The following CPT1B variants were observed in gnomAD, a reference collection of about 807,000 sequenced individuals.
CPT1B encodes the protein carnitine O-palmitoyltransferase 1, muscle isoform.
CPT1B carries 57 observed loss-of-function variants against 92.7 expected under a neutral mutation model. The ratio of observed to expected loss-of-function variants is 0.62; its 90% CI spans 0.50 to 0.77. The LOEUF is 0.77. CPT1B is among the 30% of genes least tolerant of loss of function. The pLI, the probability that CPT1B is intolerant of heterozygous loss-of-function variation, is 0.00. For missense variants in CPT1B, 983 were observed against 1,017.4 expected, an observed-to-expected ratio of 0.97 and a Z score of 0.46; for synonymous variants, 398 against 383.5, an observed-to-expected ratio of 1.04 and a Z score of -0.44.
chr22:50,572,787 A>T, intron 11 of CPT1B, 88 bp downstream of exon 11: 1 of 1,435,854 alleles, frequency 7.0e-7, no homozygotes, highest in South Asian at 1.3e-5. Context: ...CCCAGCTCAT[A>T]ACCCTACCTT....
chr22:50,571,059 A>T lies in CPT1B; in HGVS notation c.1876-16T>A. On this transcript the variant is annotated splice_polypyrimidine_tract_variant and intron_variant, in intron 15 of 19. Transcript: ENST00000312108. The stretch of plus-strand genomic sequence containing the variant: ...GGTCTGCTTTCTGCGGGGCAGAAGT[A>T]AAGGGGTGAAGAGTAGCCCTGGCCC... The T allele has an allele frequency of 6.2e-7, 1 of 1,613,524 alleles. No individual in the cohort carries two copies. The highest frequency in any genetic ancestry group is 8.5e-7 in the Non-Finnish European group (1 of 1,179,620).
chr22:50,577,289 G>A, intron 3 of CPT1B, 35 bp downstream of exon 3: 1 of 1,610,938 alleles, frequency 6.2e-7, no homozygotes, highest in Non-Finnish European at 8.5e-7. Context: ...AGCCCTCCCT[G>A]GTGGCACCTG....
chr22:50,570,172 G>A, intron 17 of CPT1B, 121 bp downstream of exon 17: 1 of 705,624 alleles, frequency 1.4e-6, no homozygotes, highest in African/African-American at 1.8e-5. Context: ...ATGCAGGTCT[G>A]GGGTTATGCT....
chr22:50,577,164 A>G (rs2070482518), intron 3 of CPT1B, 130 bp from the exon 4 acceptor site: 2 of 1,367,718 alleles, frequency 1.5e-6, no homozygotes, highest in East Asian at 4.7e-5. Flanking sequence ...GCATCAAATG[A>G]GCGGATGTAG....
In CPT1B at chr22:50,571,867, C is replaced by G. The variant is rs1227699089; in HGVS notation, c.1575+139G>C. ...AGCCAGTTTGGACTCTACAGGTATC[C>G]TGAGACGTGCCCTGTGCCTTCCCGA... On this transcript the variant is annotated intron_variant, in intron 13 of 19. Transcript: ENST00000312108. The G allele has an allele frequency of 5.9e-6, 5 of 844,524 alleles. No individual in the cohort carries two copies. In the Admixed American group the frequency reaches 9.7e-5, roughly 16 times the overall value. 52.3% of individuals were successfully genotyped at this position (844,524 alleles called of 1,614,324 possible).
chr22:50,572,451 C>G (rs2070224784), intron 11 of CPT1B, 143 bp from the exon 12 acceptor site: 7 of 631,568 alleles, frequency 1.1e-5, no homozygotes, highest in Non-Finnish European at 1.9e-5. Context: ...GAGATGGAAT[C>G]TTGCTCTGTT....
At position 50,573,845 on chromosome 22, in the gene CPT1B, C is replaced by G. The variant is rs1377862630; in HGVS notation, c.971-130G>C. On this transcript the variant is annotated intron_variant, in intron 9 of 19. Transcript: ENST00000312108. The surrounding 1 kb of genome is among the most constrained non-coding windows in gnomAD (Gnocchi z 5.0). ...GGCCTCTGCCTGGGCCTTCCTGCCC[C>G]CTGGATGGGATCCGTGTGTCCTAAA... 3.7e-6 allele frequency: 3 copies of G among 819,542 alleles called. No individual in the cohort carries two copies. The highest frequency in any genetic ancestry group is 2.7e-5 in the East Asian group (1 of 37,652). 50.8% of individuals were successfully genotyped at this position (819,542 alleles called of 1,614,324 possible). A position where few individuals can be genotyped will look rare whatever the true frequency, so the allele number is the denominator to read the frequency against.
In CPT1B at chr22:50,574,592, C is replaced by A. The variant is rs2070347736; in HGVS notation, c.786G>T (p.Val262=). The change falls in exon 8 of 20, where the codon GTG becomes GTT. Residue 262 remains valine (V), a synonymous_variant. Transcript: ENST00000312108. ...CCTGCACGTCTGTATTCTTGATGAGCACAAGGTCCTACAGAGGAACAGAGC... is the reference window on the plus strand; with the variant it reads ...CCTGCACGTCTGTATTCTTGATGAGAACAAGGTCCTACAGAGGAACAGAGC... ...VNSNYYVMDL[V]LIKNTDVQAA... The A allele has an allele frequency of 1.9e-6, 3 of 1,613,932 alleles. No individual in the cohort carries two copies. The highest frequency in any genetic ancestry group is 2.5e-6 in the Non-Finnish European group (3 of 1,179,990).
intron 1 of CPT1B, 64 bp from the exon 2 acceptor site, chr22:50,577,998 G>T: frequency 7.7e-7 from 1 of 1,307,174 alleles, no homozygotes; most frequent in Non-Finnish European, 1.0e-6. Flanking sequence ...GCCGCGCCGA[G>T]ACGCCCCCAG....
rs780559998 is a variant in CPT1B at position 50,573,732 on chromosome 22, G to A, written c.971-17C>T. On this transcript the variant is annotated splice_polypyrimidine_tract_variant and intron_variant, in intron 9 of 19. Coordinates refer to ENST00000312108, the MANE Select transcript of CPT1B (RefSeq NM_152246.3). The surrounding 1 kb of genome is among the most constrained non-coding windows in gnomAD (Gnocchi z 5.0). ...GTAGCACATCTGTGATACAGGCCAC[G>A]GGCAAGCTGAGGCGGGGCCCCCAGC... 24 of 1,606,936 alleles carry A rather than the reference G, an allele frequency of 1.5e-5. No individual in the cohort carries two copies. The highest frequency in any genetic ancestry group is 2.7e-5 in the African/African-American group (2 of 74,748).
chr22:50,578,056 C>A, intron 1 of CPT1B, 122 bp from the exon 2 acceptor site: 1 of 545,638 alleles, frequency 1.8e-6, no homozygotes, highest in Non-Finnish European at 2.5e-6. Context: ...AGCGGCTGCC[C>A]CCGGCCCGCG....
chr22:50,575,560 G>A (rs1469378546), intron 7 of CPT1B, among the ~76,000 whole-genome samples: 5 of 152,168 alleles, frequency 3.3e-5, no homozygotes, highest in African/African-American at 9.7e-5. Flanking sequence ...GACTCAGAAG[G>A]GCCAGTTACA....
At chr22:50,576,727 A>G (rs2070456429) in intron 4 of CPT1B, 90 bp from the exon 5 acceptor site, 1 of 1,555,422 alleles carries the variant, frequency 6.4e-7, no homozygotes, top group South Asian at 1.1e-5. Flanking sequence ...GAGCCATCCC[A>G]GCCCCTCCAG....
At position 50,577,448 on chromosome 22, in the gene CPT1B, C is replaced by A. The variant is rs1335878149; in HGVS notation, c.157G>T (p.Gly53Cys). 1 of 1,613,668 alleles carries A rather than the reference C, an allele frequency of 6.2e-7. No individual in the cohort carries two copies. The highest frequency in any genetic ancestry group is 1.1e-5 in the South Asian group (1 of 91,090). Residue 53 changes from glycine to cysteine, a missense_variant, in exon 3 of 20, where the codon GGC becomes TGC. Transcript: ENST00000312108. Reference sequence around the variant, plus strand: ...CTGGTGGGGCTGCCAGGGTACACGCCCCTGAGGATGCCATTCTGTGGGCAG... The same window carrying A: ...CTGGTGGGGCTGCCAGGGTACACGCACCTGAGGATGCCATTCTGTGGGCAG... ...LIRIKNGILR[G>C]VYPGSPTSWL...
chr22:50,572,459 G>T, intron 11 of CPT1B, 151 bp from the exon 12 acceptor site: 1 of 625,202 alleles, frequency 1.6e-6, no homozygotes, highest in Non-Finnish European at 2.8e-6. Flanking sequence ...ATCTTGCTCT[G>T]TTGCCCAGGC....
chr22:50,570,334 G>C lies in CPT1B; in HGVS notation c.2101C>G (p.Gln701Glu). ...QSQIRMFDPE[Q>E]HPNHLGAGGG... is the part of the protein sequence containing the mutation. ...CCAGCGCCCAGGTGATTGGGGTGCTGCTCTGGGTCGAACATGCGGATCTGG... is the reference window on the plus strand; with the variant it reads ...CCAGCGCCCAGGTGATTGGGGTGCTCCTCTGGGTCGAACATGCGGATCTGG... The change falls in exon 17 of 20, where the codon CAG (glutamine) becomes GAG (glutamate). Residue 701 changes from glutamine (Q) to glutamate (E), a missense_variant. Physicochemically the swap from Gln to Glu is conservative, Grantham distance 29 (BLOSUM62 2). Coordinates refer to ENST00000312108, the MANE Select transcript of CPT1B (RefSeq NM_152246.3). The C allele has an allele frequency of 1.2e-6, 2 of 1,607,194 alleles. No individual in the cohort carries two copies. Among genetic ancestry groups the C allele is most frequent in the Non-Finnish European group, 1.7e-6 (2 of 1,175,666 alleles).
At position 50,576,297 on chromosome 22, in the gene CPT1B, T is replaced by C; in HGVS notation, c.600A>G (p.Glu200=). Residue 200 remains glutamate, a synonymous_variant, in exon 6 of 20, where the codon GAA becomes GAG. Transcript: ENST00000312108. ...TGGCCAGCAACTCCATGCGGTAATA[T>C]TCCTCATCATCCAACAAGGGGCGCA... ...ESVRPLLDDE[E]YYRMELLAKE... 1 of 1,614,050 alleles carries C rather than the reference T, an allele frequency of 6.2e-7. No homozygotes were observed. The highest frequency in any genetic ancestry group is 8.5e-7 in the Non-Finnish European group (1 of 1,180,020).
In CPT1B at chr22:50,573,839, C is replaced by T; in HGVS notation, c.971-124G>A. The T allele has an allele frequency of 1.2e-6, 1 of 866,328 alleles. No homozygotes were observed. 53.7% of individuals were successfully genotyped at this position (866,328 alleles called of 1,614,324 possible). A position where few individuals can be genotyped will look rare whatever the true frequency, so the allele number is the denominator to read the frequency against. Reference sequence around the variant, plus strand: ...TTGCTCGGCCTCTGCCTGGGCCTTCCTGCCCCCTGGATGGGATCCGTGTGT... The same window carrying T: ...TTGCTCGGCCTCTGCCTGGGCCTTCTTGCCCCCTGGATGGGATCCGTGTGT... On this transcript the variant is annotated intron_variant, in intron 9 of 19. Coordinates refer to ENST00000312108, the MANE Select transcript of CPT1B (RefSeq NM_152246.3). This position sits in a 1 kb window ranked among gnomAD's most constrained non-coding sequence, Gnocchi z 5.0.
chr22:50,569,259 C>A, intron 19 of CPT1B, 77 bp downstream of exon 19: 2 of 1,444,686 alleles, frequency 1.4e-6, no homozygotes, highest in South Asian at 2.4e-5. Context: ...TGCACGGCCA[C>A]CCCTCATGCC....
Sources: allele counts gnomAD v4.1 joint callset (sites outside exome capture counted in the v4.1 genomes callset), GRCh38; gene constraint gnomAD v4.1.1; non-coding constraint Gnocchi (gnomAD v3.1); transcripts MANE v1.5; gene names NCBI Gene and HGNC (gene_info 2026-07-23, HGNC 2026-07-21).